PEX14: variants seen among roughly 807,000 people sequenced by gnomAD.
PEX14 encodes the protein peroxisomal biogenesis factor 14, also known as peroxisomal membrane protein PEX14.
A neutral mutation model predicts 49.5 loss-of-function variants in PEX14; 15 were observed. That is an observed-to-expected ratio of 0.30 (90% CI 0.20 to 0.47). The LOEUF (loss-of-function observed/expected upper bound fraction) is 0.47. Ranked by LOEUF, PEX14 falls within the 20% of genes least tolerant of loss-of-function variation. The pLI is 1.00. For missense variants in PEX14, 398 were observed against 494.8 expected (o/e 0.80, Z 1.86); for synonymous variants, 210 against 212.7 (o/e 0.99, Z 0.11).
chr1:10,590,422 T>C (rs1282861145), intron 3 of PEX14, among the ~76,000 whole-genome samples: 1 of 152,238 alleles, frequency 6.6e-6, no homozygotes, highest in Non-Finnish European at 1.5e-5. Context: ...TGCTTTTCTT[T>C]ATTTTCCATG....
chr1:10,531,229 G>A (rs760492413), intron 2 of PEX14, among the ~76,000 whole-genome samples: 5 of 152,108 alleles, frequency 3.3e-5, no homozygotes, highest in African/African-American at 4.8e-5. Context: ...ATTTTTTCAC[G>A]AGTGCTAGCA....
intron 2 of PEX14, among the ~76,000 whole-genome samples, chr1:10,507,321 C>T (rs528431811): frequency 7.2e-5 from 11 of 152,366 alleles, no homozygotes; most frequent in South Asian, 4.1e-4. Context: ...GCGTGCGGGG[C>T]GCCCGCTGCA....
chr1:10,529,249 G>A lies in PEX14; in HGVS notation c.85-6964G>A, dbSNP rs1570214821. Among the ~76,000 whole-genome samples the A allele has an allele frequency of 3.3e-5, 5 of 152,280 alleles. No individual in the cohort carries two copies. In the South Asian group the frequency reaches 8.3e-4, roughly 25 times the overall value. Reference sequence around the variant, plus strand: ...GCAAGGGTTTCATTTCTTCCAGGCCGGCGTGTACTCCACAGCTCCTTCTGT... The same window carrying A: ...GCAAGGGTTTCATTTCTTCCAGGCCAGCGTGTACTCCACAGCTCCTTCTGT... On this transcript the variant is annotated intron_variant, in intron 2 of 8. Transcript: ENST00000356607. The surrounding 1 kb of genome is among the most constrained non-coding windows in gnomAD (Gnocchi z 4.2).
chr1:10,538,058 C>T (rs1356030123), intron 3 of PEX14, among the ~76,000 whole-genome samples: 3 of 152,170 alleles, frequency 2.0e-5, no homozygotes, highest in African/African-American at 7.2e-5. Context: ...AGCAGAGAAC[C>T]GAACAGACAA....
At chr1:10,579,913 T>G (rs1254904799) in intron 3 of PEX14, among the ~76,000 whole-genome samples, 3 of 152,004 alleles carry the variant, frequency 2.0e-5, no homozygotes, top group Non-Finnish European at 2.9e-5. Context: ...TGTTTGGAAA[T>G]GCATCCCAGT....
intron 3 of PEX14, among the ~76,000 whole-genome samples, chr1:10,543,755 T>C (rs1433637627): frequency 1.3e-5 from 2 of 152,150 alleles, no homozygotes; most frequent in African/African-American, 2.4e-5. Flanking sequence ...TACAGGCACG[T>C]GCCACCACAC....
chr1:10,602,247 C>T (rs1641005685), intron 4 of PEX14, among the ~76,000 whole-genome samples: 1 of 152,146 alleles, frequency 6.6e-6, no homozygotes, highest in Non-Finnish European at 1.5e-5. Context: ...ACACAGACTT[C>T]TTCCTGCTTT....
intron 3 of PEX14, among the ~76,000 whole-genome samples, chr1:10,572,659 C>T (rs1280925428): frequency 4.0e-5 from 6 of 149,990 alleles, no homozygotes; most frequent in Non-Finnish European, 5.9e-5. Flanking sequence ...CTTAGCCTCC[C>T]GAGTAGCTGG....
rs144960238 is a variant in PEX14 at position 10,554,504 on chromosome 1, C to T, written c.169+18207C>T. Among the ~76,000 whole-genome samples, 31 of 152,226 alleles carry T rather than the reference C, an allele frequency of 2.0e-4. 1 individual carries two copies. Among genetic ancestry groups the T allele is most frequent in the South Asian group, 8.3e-4 (4 of 4,828 alleles). ...GAAGAGGCAGGGAGAAGGGCATTTT[C>T]GCTTCTTGAAGCTTCTGCTCCTCTG... On this transcript the variant is annotated intron_variant, in intron 3 of 8. Coordinates refer to ENST00000356607, the MANE Select transcript of PEX14 (RefSeq NM_004565.3).
chr1:10,627,405 A>G, intron 8 of PEX14, 42 bp downstream of exon 8: 1 of 1,379,728 alleles, frequency 7.2e-7, no homozygotes, highest in Non-Finnish European at 1.0e-6. Flanking sequence ...TCGGGCCTGG[A>G]AAGGAGGACT....
At chr1:10,624,192 A>G (rs1641677952) in intron 6 of PEX14, 148 bp from the exon 7 acceptor site, 7 of 747,372 alleles carry the variant, frequency 9.4e-6, no homozygotes, top group South Asian at 7.1e-5. Context: ...CAGAGTGCAG[A>G]TAAATTAGAT....
intron 1 of PEX14, among the ~76,000 whole-genome samples, chr1:10,481,089 A>G (rs1641275757): frequency 6.6e-6 from 1 of 151,766 alleles, no homozygotes; most frequent in Non-Finnish European, 1.5e-5. Flanking sequence ...GTGAAGAAAC[A>G]GAGATTGCAT....
intron 4 of PEX14, among the ~76,000 whole-genome samples, chr1:10,616,336 G>A (rs1030812717): frequency 2.1e-4 from 32 of 152,160 alleles, no homozygotes; most frequent in African/African-American, 7.2e-4. Flanking sequence ...GTCATAAAAC[G>A]CCAGGACATG....
chr1:10,499,886 T>G (rs1287042323), intron 2 of PEX14, among the ~76,000 whole-genome samples: 3 of 152,124 alleles, frequency 2.0e-5, no homozygotes, highest in Non-Finnish European at 2.9e-5. Context: ...GTCTCAGTAG[T>G]TTTGCTCTCC....
Position 10,599,376 on chromosome 1 carries a change from C to T in PEX14, c.298+10C>T, listed in dbSNP as rs2124602884. 2 of 1,614,120 alleles carry T rather than the reference C, an allele frequency of 1.2e-6. No homozygotes were observed. The highest frequency in any genetic ancestry group is 1.7e-6 in the Non-Finnish European group (2 of 1,179,956). ...ATATCTCAGCCATACAGTAAGTCAC[C>T]CGCTCAAACTCCTGCTTAACCTTGA... On this transcript the variant is annotated intron_variant, in intron 4 of 8. Transcript: ENST00000356607.
intron 2 of PEX14, among the ~76,000 whole-genome samples, chr1:10,504,990 G>T (rs576969738): frequency 7.2e-5 from 11 of 152,136 alleles, no homozygotes; most frequent in African/African-American, 2.7e-4. Context: ...TCAACATGTT[G>T]GCCAGGCTGG....
At position 10,629,828 on chromosome 1, in the gene PEX14, CGAG is replaced by C. The variant is rs1285402078; in HGVS notation, c.981_983del (p.Glu327del). The C allele has an allele frequency of 6.3e-7, 1 of 1,598,220 alleles. No homozygotes were observed. The highest frequency in any genetic ancestry group is 1.7e-5 in the Admixed American group (1 of 58,960). On this transcript the variant is annotated inframe_deletion, in exon 9 of 9. Transcript: ENST00000356607. The surrounding 1 kb of genome is among the most constrained non-coding windows in gnomAD (Gnocchi z 8.5). ...AGGAGAAGAGGGAGGACAAGGAGGA[CGAG>C]GAGGATGAGGAGGATGATGATGTGA...
At chr1:10,543,191 A>G (rs1285959421) in intron 3 of PEX14, among the ~76,000 whole-genome samples, 4 of 152,176 alleles carry the variant, frequency 2.6e-5, no homozygotes, top group African/African-American at 7.2e-5. Flanking sequence ...GTGGAGTGCA[A>G]TGGCACAATC....
intron 3 of PEX14, among the ~76,000 whole-genome samples, chr1:10,587,272 C>G (rs1319510598): frequency 6.6e-6 from 1 of 151,850 alleles, no homozygotes; most frequent in Admixed American, 6.6e-5. Flanking sequence ...GCCTGGCCAA[C>G]ATAGTGAAAC....
Sources: allele counts gnomAD v4.1 joint callset (sites outside exome capture counted in the v4.1 genomes callset), GRCh38; gene constraint gnomAD v4.1.1; non-coding constraint Gnocchi (gnomAD v3.1); transcripts MANE v1.5; gene names NCBI Gene and HGNC (gene_info 2026-07-23, HGNC 2026-07-21).